The following SMARCA4 variants were observed in gnomAD, a reference collection of about 807,000 sequenced individuals.
The protein encoded by SMARCA4 is SWI/SNF-related matrix-associated actin-dependent regulator of chromatin subfamily A member 4.
In SMARCA4, 31 loss-of-function variants were observed where a neutral mutation model predicts 193.9. The ratio of observed to expected loss-of-function variants is 0.16; its 90% CI spans 0.12 to 0.22. The LOEUF (loss-of-function observed/expected upper bound fraction) is 0.22. SMARCA4 is among the 10% of genes least tolerant of loss of function. SMARCA4 has a pLI of 1.00. For synonymous variants in SMARCA4, 942 were observed against 933.1 expected (o/e 1.01, Z -0.17); for missense variants, 1,148 against 2,296.0 (o/e 0.50, Z 10.22).
Position 11,017,482 on chromosome 19 carries a change from G to A in SMARCA4, c.2439-1475G>A, listed in dbSNP as rs920865265. Among the ~76,000 whole-genome samples, 4 of 152,248 alleles carry A rather than the reference G, an allele frequency of 2.6e-5. No homozygotes were observed. The East Asian group carries it at 5.8e-4, about 22-fold the overall frequency. On this transcript the variant is annotated intron_variant, in intron 16 of 34. Transcript: ENST00000344626. ...CTGCAGGCCAGAAGAGGGCCCGCGC[G>A]CTAGGAAATGTTTACGGCGTATGGG...
At position 11,018,055 on chromosome 19, in the gene SMARCA4, G is replaced by A. The variant is rs73923302; in HGVS notation, c.2439-902G>A. ...CGTCCTTCTGTCTATTGGCTGTGCC[G>A]CCTGGTTGGCTGTGGCTTCCAGCGG... is the stretch of plus-strand genomic sequence containing the variant. On this transcript the variant is annotated intron_variant, in intron 16 of 34. Coordinates refer to ENST00000344626, the MANE Select transcript of SMARCA4 (RefSeq NM_003072.5). 3.4e-3 allele frequency among the ~76,000 whole-genome samples: 521 copies of A among 152,350 alleles called. 7 individuals are homozygous for A. The highest frequency in any genetic ancestry group is 0.012 in the African/African-American group (483 of 41,570).
At chr19:11,021,572 G>A (rs937361573) in intron 18 of SMARCA4, 153 bp from the exon 19 acceptor site, 7 of 952,800 alleles carry the variant, frequency 7.3e-6, no homozygotes, top group Non-Finnish European at 9.8e-6. Flanking sequence ...CGGTGAGTCA[G>A]CCCCGGGGCA....
chr19:11,021,395 C>A, intron 18 of SMARCA4: 1 of 419,990 alleles, frequency 2.4e-6, no homozygotes, highest in Admixed American at 3.2e-5. Flanking sequence ...GTGTCTTCTG[C>A]CAGAACGTGC....
chr19:11,044,018 C>G (rs146675917), intron 30 of SMARCA4, among the ~76,000 whole-genome samples: 90 of 152,246 alleles, frequency 5.9e-4, no homozygotes, highest in African/African-American at 2.0e-3. Flanking sequence ...TCGCAGAAAT[C>G]TAATGACAAT....
At chr19:11,027,549 A>G (rs2090350690) in intron 23 of SMARCA4, among the ~76,000 whole-genome samples, 1 of 152,172 alleles carries the variant, frequency 6.6e-6, no homozygotes, top group Admixed American at 6.5e-5. Flanking sequence ...TTGACGAGAA[A>G]TACATGTGCC....
At chr19:11,024,547 TC>T in intron 21 of SMARCA4, 109 bp downstream of exon 21, 1 of 751,402 alleles carries the variant, frequency 1.3e-6, no homozygotes, top group Admixed American at 2.0e-5. Context: ...CTGGTCATGA[TC>T]CCCAGGGCAT....
chr19:10,986,966 C>T lies in SMARCA4; in HGVS notation c.822C>T (p.Gly274=), dbSNP rs1228617125. 1 of 1,609,210 alleles carries T rather than the reference C, an allele frequency of 6.2e-7. No individual in the cohort carries two copies. Residue 274 remains glycine, a synonymous_variant, in exon 5 of 35, where the codon GGC becomes GGT. Transcript: ENST00000344626. The surrounding 1 kb of genome is among the most constrained non-coding windows in gnomAD (Gnocchi z 6.7). ...CGGGCGTGCCCCCCGGGATGCCAGG[C>T]CAGCCTCCTGGAGGGCCTCCCAAGC... ...GPSGVPPGMP[G]QPPGGPPKPW... is the part of the protein sequence containing the mutation.
chr19:11,054,789 A>G (rs1301037687), intron 30 of SMARCA4, among the ~76,000 whole-genome samples: 1 of 152,008 alleles, frequency 6.6e-6, no homozygotes, highest in East Asian at 1.9e-4. Flanking sequence ...AGCTATTAAG[A>G]GGTGTGGGCT....
At chr19:10,992,090 G>A (rs1479746151) in intron 8 of SMARCA4, among the ~76,000 whole-genome samples, 1 of 151,764 alleles carries the variant, frequency 6.6e-6, no homozygotes, top group African/African-American at 2.4e-5. Context: ...AATCTAGACA[G>A]TCAACACAGC....
At chr19:11,002,950 T>TG in intron 11 of SMARCA4, 79 bp from the exon 12 acceptor site, 2 of 1,540,640 alleles carry the variant, frequency 1.3e-6, no homozygotes, top group Non-Finnish European at 1.8e-6. Context: ...GTTGAGTGGG[T>TG]GCTTCCCACC....
intron 19 of SMARCA4, among the ~76,000 whole-genome samples, chr19:11,023,047 G>A (rs761702103): frequency 1.8e-4 from 28 of 152,310 alleles, no homozygotes; most frequent in Non-Finnish European, 2.2e-4. Context: ...TCTTTCACCT[G>A]GTTCCACCCA....
chr19:11,029,200 C>G (rs1456086145), intron 24 of SMARCA4, among the ~76,000 whole-genome samples: 1 of 152,220 alleles, frequency 6.6e-6, no homozygotes, highest in Non-Finnish European at 1.5e-5. Context: ...GGGCCACCCC[C>G]CACCCTTTCC....
At chr19:11,016,880 A>T (rs185042377) in intron 16 of SMARCA4, among the ~76,000 whole-genome samples, 3 of 151,742 alleles carry the variant, frequency 2.0e-5, no homozygotes, top group African/African-American at 7.3e-5. Context: ...CATGTAGTCT[A>T]TTTCCCGCCC....
At chr19:11,000,737 G>A (rs1440467330) in intron 11 of SMARCA4, among the ~76,000 whole-genome samples, 1 of 151,994 alleles carries the variant, frequency 6.6e-6, no homozygotes, top group South Asian at 2.1e-4. Flanking sequence ...ACATTAGCCA[G>A]GCGTGGTGGC....
chr19:11,036,689 C>G (rs367618273), intron 29 of SMARCA4, among the ~76,000 whole-genome samples: 1 of 152,070 alleles, frequency 6.6e-6, no homozygotes, highest in Middle Eastern at 3.2e-3. Context: ...GTATATGATA[C>G]AATCATCTTC....
intron 8 of SMARCA4, among the ~76,000 whole-genome samples, chr19:10,992,279 C>T (rs904765643): frequency 6.4e-5 from 9 of 140,558 alleles, no homozygotes; most frequent in African/African-American, 2.1e-4. Context: ...GCCTGGCTAA[C>T]TTTTTTTTTG....
chr19:11,041,480 C>T lies in SMARCA4; in HGVS notation c.4344C>T (p.Ala1448=), dbSNP rs200087760. The part of the protein sequence containing the change: ...KKQKKRGRPP[A]EKLSPNPPNL... ...AGAAGAAGCGCGGGCGGCCGCCTGCCGAGAAACTCTCCCCTAACCCACCCA... is the reference window on the plus strand; with the variant it reads ...AGAAGAAGCGCGGGCGGCCGCCTGCTGAGAAACTCTCCCCTAACCCACCCA... Residue 1448 remains alanine, a synonymous_variant, in exon 30 of 35, where the codon GCC becomes GCT. Coordinates refer to ENST00000344626, the MANE Select transcript of SMARCA4 (RefSeq NM_003072.5). This position sits in a 1 kb window ranked among gnomAD's most constrained non-coding sequence, Gnocchi z 5.6. 6.8e-5 allele frequency: 109 copies of T among 1,613,712 alleles called. No individual in the cohort carries two copies. The highest frequency in any genetic ancestry group is 1.6e-4 in the Middle Eastern group (1 of 6,062).
chr19:11,061,204 A>AAAAAAAAAAAAAT (rs1555797070), intron 34 of SMARCA4, among the ~76,000 whole-genome samples: 1 of 45,224 alleles, frequency 2.2e-5, no homozygotes, highest in African/African-American at 1.1e-4. Context: ...AAAAAAAAAA[A>AAAAAAAAAAAAAT]ATATATATAT....
intron 29 of SMARCA4, chr19:11,039,480 A>C: frequency 6.2e-7 from 1 of 1,603,444 alleles, no homozygotes; most frequent in Non-Finnish European, 8.5e-7. Context: ...AAAGATATCC[A>C]TGACACAGCC....
Sources: gnomAD v4.1 joint callset for allele counts (sites outside exome capture counted in the v4.1 genomes callset) on GRCh38, gnomAD v4.1.1 for gene constraint, Gnocchi (gnomAD v3.1) non-coding constraint, MANE v1.5 for transcripts, NCBI Gene and HGNC (gene_info 2026-07-23, HGNC 2026-07-21) for gene names.